Variants in CACNA1C observed in about 807,000 individuals in gnomAD.
The protein encoded by CACNA1C is voltage-dependent L-type calcium channel subunit alpha-1C.
CACNA1C carries 30 observed loss-of-function variants against 229.0 expected under a neutral mutation model. The ratio of observed to expected loss-of-function variants is 0.13; its 90% CI spans 0.10 to 0.18. CACNA1C has a LOEUF of 0.18. Among genes scored for constraint, CACNA1C ranks in the 10% least tolerant of loss-of-function variants. The pLI, the probability that CACNA1C is intolerant of heterozygous loss-of-function variation, is 1.00. For missense variants in CACNA1C, 1,658 were observed against 2,845.0 expected (o/e 0.58, Z 9.49); for synonymous variants, 1,114 against 1,132.5 (o/e 0.98, Z 0.33).
rs1299483483 is a variant in CACNA1C at position 2,493,646 on chromosome 12, C to G, written c.1113+260C>G. Among the ~76,000 whole-genome samples the G allele has an allele frequency of 6.6e-6, 1 of 152,124 alleles. No homozygotes were observed. The highest frequency in any genetic ancestry group is 1.5e-5 in the Non-Finnish European group (1 of 68,018). On this transcript the variant is annotated intron_variant, in intron 7 of 46. Transcript: ENST00000399655. This position sits in a 1 kb window ranked among gnomAD's most constrained non-coding sequence, Gnocchi z 4.6. The stretch of plus-strand genomic sequence containing the variant: ...TCCAGTGCGTCCCACAGTGCAAAAC[C>G]CTGGTGTGCAGGCATGGATGAGCTG...
rs543527709 is a variant in CACNA1C at position 2,556,626 on chromosome 12, T to G, written c.1482-325T>G. ...CTTGTCATCAGGAGAGGCCTTTTCT[T>G]TCTCTGCAGCTTGTCTCAAGATACA... On this transcript the variant is annotated intron_variant, in intron 10 of 46. Transcript: ENST00000399655. Among the ~76,000 whole-genome samples the G allele has an allele frequency of 4.6e-5, 7 of 152,318 alleles. No individual in the cohort carries two copies. In the South Asian group the frequency reaches 1.4e-3, roughly 32 times the overall value.
chr12:2,053,501 G>T lies in CACNA1C; in HGVS notation c.-62G>T. 6.5e-7 allele frequency: 1 copy of T among 1,542,628 alleles called. No individual in the cohort carries two copies. On this transcript the variant is annotated 5_prime_UTR_variant, in exon 1 of 47. Transcript: ENST00000399655. This position sits in a 1 kb window ranked among gnomAD's most constrained non-coding sequence, Gnocchi z 5.8. Reference sequence around the variant, plus strand: ...GGAGGGATTAATCCAGACCCGCCGGGGGGTGTTTTCACATTTCTTCCTCTT... The same window carrying T: ...GGAGGGATTAATCCAGACCCGCCGGTGGGTGTTTTCACATTTCTTCCTCTT...
intron 1 of CACNA1C, among the ~76,000 whole-genome samples, chr12:2,066,269 A>G (rs11062099): frequency 0.034 from 5,241 of 152,108 alleles, 213 homozygotes; most frequent in African/African-American, 0.096. Flanking sequence ...GTTCTGTCTA[A>G]GAAGGTGCTA....
At position 2,479,965 on chromosome 12, in the gene CACNA1C, G is replaced by A. The variant is rs1394648800; in HGVS notation, c.758-6139G>A. Among the ~76,000 whole-genome samples the A allele has an allele frequency of 6.6e-6, 1 of 152,146 alleles. No homozygotes were observed. Among genetic ancestry groups the A allele is most frequent in the Non-Finnish European group, 1.5e-5 (1 of 68,016 alleles). ...AAAGCCAGCAGAGTAGAGGACCCCTGGCCTAATGCTGTCCTTCCCCTGCCC... is the reference window on the plus strand; with the variant it reads ...AAAGCCAGCAGAGTAGAGGACCCCTAGCCTAATGCTGTCCTTCCCCTGCCC... On this transcript the variant is annotated intron_variant, in intron 5 of 46. Transcript: ENST00000399655. The surrounding 1 kb of genome is among the most constrained non-coding windows in gnomAD (Gnocchi z 4.3).
At chr12:2,670,457 C>T (rs1057079323) in intron 38 of CACNA1C, among the ~76,000 whole-genome samples, 1 of 152,180 alleles carries the variant, frequency 6.6e-6, no homozygotes, top group Non-Finnish European at 1.5e-5. Context: ...CAGACATGGG[C>T]CTTCTCTCCG....
chr12:2,532,978 A>G (rs969737585), intron 9 of CACNA1C, among the ~76,000 whole-genome samples: 5 of 152,194 alleles, frequency 3.3e-5, no homozygotes, highest in African/African-American at 1.2e-4. Context: ...CTCTCTTCTG[A>G]AGGAAGAACA....
chr12:2,107,669 T>C (rs1020498856), intron 1 of CACNA1C, among the ~76,000 whole-genome samples: 1 of 152,268 alleles, frequency 6.6e-6, no homozygotes, highest in Admixed American at 6.5e-5. Flanking sequence ...AAAGGACTTT[T>C]GGTTTCTACA....
intron 9 of CACNA1C, among the ~76,000 whole-genome samples, chr12:2,531,763 T>C (rs1033005187): frequency 1.1e-4 from 17 of 152,142 alleles, no homozygotes; most frequent in Admixed American, 4.6e-4. Context: ...ACCCTGACAA[T>C]GTCTGTCTAC....
chr12:2,657,879 G>A (rs905065499), intron 34 of CACNA1C, among the ~76,000 whole-genome samples: 1 of 152,036 alleles, frequency 6.6e-6, no homozygotes, highest in Non-Finnish European at 1.5e-5. Context: ...GACAAAGAGG[G>A]ATTTTATATT....
At chr12:2,459,138 A>G (rs1164270595) in intron 5 of CACNA1C, among the ~76,000 whole-genome samples, 1 of 146,700 alleles carries the variant, frequency 6.8e-6, no homozygotes, top group African/African-American at 2.5e-5. Context: ...GCTTGCCACC[A>G]TGCCCAGCTA....
chr12:2,502,452 TG>T (rs1337564072), intron 7 of CACNA1C, among the ~76,000 whole-genome samples: 1 of 152,224 alleles, frequency 6.6e-6, no homozygotes, highest in Non-Finnish European at 1.5e-5. Flanking sequence ...AGAAGTGCTC[TG>T]GGAAAGCAAA....
intron 1 of CACNA1C, among the ~76,000 whole-genome samples, chr12:2,112,246 G>A (rs2082048561): frequency 6.6e-6 from 1 of 152,084 alleles, no homozygotes; most frequent in African/African-American, 2.4e-5. Flanking sequence ...TCATGCTTTG[G>A]GTGCCTTCAT....
chr12:2,329,167 A>G (rs2096454552), intron 3 of CACNA1C, among the ~76,000 whole-genome samples: 1 of 152,166 alleles, frequency 6.6e-6, no homozygotes, highest in Non-Finnish European at 1.5e-5. Context: ...AACACCGCAG[A>G]TCGATGCTGC....
chr12:2,606,808 CAATGTGTAGCATTTTT>C, intron 25 of CACNA1C, 145 bp downstream of exon 25: 2 of 945,498 alleles, frequency 2.1e-6, no homozygotes, highest in Non-Finnish European at 3.2e-6. Context: ...CTCACGGACA[CAATGTGTAGCATTTTT>C]TGTTCCTGAA....
At chr12:2,548,525 G>C (rs769153695) in intron 9 of CACNA1C, among the ~76,000 whole-genome samples, 4 of 152,188 alleles carry the variant, frequency 2.6e-5, no homozygotes, top group Admixed American at 1.3e-4. Flanking sequence ...GGACGAGTTA[G>C]AGCCAGATAA....
intron 3 of CACNA1C, among the ~76,000 whole-genome samples, chr12:2,214,472 T>C (rs771515775): frequency 2.6e-4 from 39 of 152,154 alleles, no homozygotes; most frequent in Non-Finnish European, 3.5e-4. Context: ...CATTATTCAG[T>C]CTTCACACTG....
chr12:2,616,406 G>A (rs959492035), intron 29 of CACNA1C, among the ~76,000 whole-genome samples: 1 of 152,186 alleles, frequency 6.6e-6, no homozygotes, highest in Non-Finnish European at 1.5e-5. Context: ...CTCTTGACTG[G>A]GTTAGACAGT....
chr12:2,120,985 G>A (rs970634308), intron 3 of CACNA1C, among the ~76,000 whole-genome samples: 7 of 152,124 alleles, frequency 4.6e-5, no homozygotes, highest in African/African-American at 1.7e-4. Context: ...GGCCAGCTCT[G>A]GCAATTTGGG....
At chr12:2,283,780 C>G (rs530499788) in intron 3 of CACNA1C, among the ~76,000 whole-genome samples, 1 of 152,198 alleles carries the variant, frequency 6.6e-6, no homozygotes, top group African/African-American at 2.4e-5. Context: ...CTGGGCCCCA[C>G]TTTCAATAGA....
Sources: allele counts gnomAD v4.1 joint callset (sites outside exome capture counted in the v4.1 genomes callset), GRCh38; gene constraint gnomAD v4.1.1; non-coding constraint Gnocchi (gnomAD v3.1); transcripts MANE v1.5; gene names NCBI Gene and HGNC (gene_info 2026-07-23, HGNC 2026-07-21).